CDH18: variants seen among roughly 807,000 people sequenced by gnomAD.
CDH18 encodes cadherin 18.
Under a neutral mutation model 67.9 loss-of-function variants are expected in CDH18, and 31 were observed. The ratio of observed to expected loss-of-function variants is 0.46; its 90% confidence interval spans 0.34 to 0.62. The LOEUF (loss-of-function observed/expected upper bound fraction) is 0.62. CDH18 is among the 20% of genes least tolerant of loss of function. The probability of loss-of-function intolerance (pLI) is 0.01; values close to 1 mark genes in which losing one functional copy is unlikely to be tolerated. For synonymous variants in CDH18, 362 were observed against 347.2 expected (o/e 1.04, Z -0.48); for missense variants, 890 against 975.5 (o/e 0.91, Z 1.17).
chr5:19,911,166 G>A (rs141726898), intron 2 of CDH18, among the ~76,000 whole-genome samples: 1 of 152,130 alleles, frequency 6.6e-6, no homozygotes, highest in African/African-American at 2.4e-5. Context: ...GTGTCAGCCT[G>A]ACTGTCTATT....
At position 20,265,420 on chromosome 5, in the gene CDH18, G is replaced by A. The variant is rs562707617; in HGVS notation, c.-579-9915C>T. Reference sequence around the variant, plus strand: ...TCCTTTGGAATAAATGTACAGTTTTGTAATTATCTGGATGTATACTATTTC... The same window carrying A: ...TCCTTTGGAATAAATGTACAGTTTTATAATTATCTGGATGTATACTATTTC... On this transcript the variant is annotated intron_variant, in intron 1 of 14. Coordinates refer to the CDH18 transcript ENST00000507958. 3.3e-5 allele frequency among the ~76,000 whole-genome samples: 5 copies of A among 152,002 alleles called. No homozygotes were observed. In the South Asian group the frequency reaches 1.0e-3, roughly 32 times the overall value.
At chr5:19,626,848 T>C (rs1046237813) in intron 5 of CDH18, among the ~76,000 whole-genome samples, 5 of 152,198 alleles carry the variant, frequency 3.3e-5, no homozygotes, top group African/African-American at 4.8e-5. Flanking sequence ...TAGTTCTGGG[T>C]CACAAGTGCT....
intron 2 of CDH18, among the ~76,000 whole-genome samples, chr5:20,027,194 A>G (rs1218939569): frequency 6.6e-6 from 1 of 152,132 alleles, no homozygotes; most frequent in African/African-American, 2.4e-5. Context: ...TAAACTTTTT[A>G]CATATGATTA....
intron 4 of CDH18, among the ~76,000 whole-genome samples, chr5:19,743,594 C>A (rs557826438): frequency 2.0e-5 from 3 of 152,240 alleles, no homozygotes; most frequent in South Asian, 4.1e-4. Flanking sequence ...GTCTGCAGAT[C>A]TTTGCCTATA....
intron 6 of CDH18, among the ~76,000 whole-genome samples, chr5:19,611,342 AAG>A (rs1445955238): frequency 6.6e-6 from 1 of 152,206 alleles, no homozygotes; most frequent in Non-Finnish European, 1.5e-5. Flanking sequence ...AGAGGGAAAA[AAG>A]AGTGAGTAAT....
intron 12 of CDH18, among the ~76,000 whole-genome samples, chr5:19,475,001 C>T (rs1382079445): frequency 6.6e-6 from 1 of 152,104 alleles, no homozygotes; most frequent in Non-Finnish European, 1.5e-5. Flanking sequence ...GCTCTATAGA[C>T]TGCTCTTTTC....
At chr5:20,003,823 G>A (rs1242931977) in intron 2 of CDH18, among the ~76,000 whole-genome samples, 3 of 152,250 alleles carry the variant, frequency 2.0e-5, no homozygotes, top group Middle Eastern at 3.4e-3. Context: ...GCGTGAGCCC[G>A]GAGGTGGAGC....
chr5:20,498,622 T>C (rs12516746), intron 1 of CDH18, among the ~76,000 whole-genome samples: 1 of 152,100 alleles, frequency 6.6e-6, no homozygotes, highest in Admixed American at 6.6e-5. Context: ...AAATATAATG[T>C]TAAAATAATC....
chr5:20,091,769 G>C (rs908011078), intron 2 of CDH18, among the ~76,000 whole-genome samples: 2 of 151,702 alleles, frequency 1.3e-5, no homozygotes, highest in Admixed American at 6.6e-5. Context: ...TTATACTGAA[G>C]AGAGGAGGCA....
intron 2 of CDH18, among the ~76,000 whole-genome samples, chr5:20,148,150 G>A (rs933179970): frequency 2.7e-5 from 4 of 150,846 alleles, no homozygotes; most frequent in Non-Finnish European, 1.5e-5. Flanking sequence ...GGAGTGTAGC[G>A]GTGCGATCTT....
intron 1 of CDH18, among the ~76,000 whole-genome samples, chr5:20,368,912 A>C (rs1342748901): frequency 6.6e-6 from 1 of 152,156 alleles, no homozygotes; most frequent in African/African-American, 2.4e-5. Context: ...TTCTCCTGTA[A>C]TTTATGACTC....
At chr5:20,307,798 C>T (rs1277395535) in intron 1 of CDH18, among the ~76,000 whole-genome samples, 1 of 152,164 alleles carries the variant, frequency 6.6e-6, no homozygotes, top group Non-Finnish European at 1.5e-5. Context: ...GTCTCTAAAA[C>T]TTACAAAATA....
Position 19,612,540 on chromosome 5 carries a change from G to T in CDH18, c.705C>A (p.Val235=). ...GCCCAGCCATGTCTTTGGCTTGAAT[G>T]ACTACGGAGTAATGTTCTCTGGCTT... ...DREAREHYSV[V]IQAKDMAGQV... The change falls in exon 6 of 13, where the codon GTC becomes GTA. Residue 235 remains valine, a synonymous_variant. Transcript: ENST00000382275. The T allele has an allele frequency of 3.7e-6, 6 of 1,613,988 alleles. No homozygotes were observed. The highest frequency in any genetic ancestry group is 5.1e-6 in the Non-Finnish European group (6 of 1,179,944).
chr5:19,668,851 C>T (rs1758326196), intron 5 of CDH18, among the ~76,000 whole-genome samples: 1 of 151,888 alleles, frequency 6.6e-6, no homozygotes, highest in Non-Finnish European at 1.5e-5. Context: ...GAAACAAGTA[C>T]TTTATCCATA....
chr5:19,912,185 A>G (rs1282376630), intron 2 of CDH18, among the ~76,000 whole-genome samples: 1 of 149,614 alleles, frequency 6.7e-6, no homozygotes, highest in Non-Finnish European at 1.5e-5. Context: ...AATAATAATA[A>G]AAAAAAAACA....
chr5:20,512,202 AAC>A (rs1348612009), intron 1 of CDH18, among the ~76,000 whole-genome samples: 1 of 152,112 alleles, frequency 6.6e-6, no homozygotes, highest in Admixed American at 6.6e-5. Context: ...CAGCTTGGGC[AAC>A]AGAGTGAGAC....
chr5:20,540,578 T>G (rs1756998441), intron 1 of CDH18, among the ~76,000 whole-genome samples: 1 of 152,118 alleles, frequency 6.6e-6, no homozygotes, highest in South Asian at 2.1e-4. Flanking sequence ...TGTTTTTGAG[T>G]GACTATAAAG....
At chr5:19,633,817 A>G (rs1752737932) in intron 5 of CDH18, among the ~76,000 whole-genome samples, 1 of 152,022 alleles carries the variant, frequency 6.6e-6, no homozygotes, top group Non-Finnish European at 1.5e-5. Context: ...TTTTCAGTAG[A>G]GAAGGGGTTT....
At chr5:19,700,935 G>A (rs567902121) in intron 5 of CDH18, among the ~76,000 whole-genome samples, 1 of 149,212 alleles carries the variant, frequency 6.7e-6, no homozygotes, top group Admixed American at 6.6e-5. Context: ...ACAAAGTGTG[G>A]AAACAAAGTG....
Sources: allele counts gnomAD v4.1 joint callset (sites outside exome capture counted in the v4.1 genomes callset), GRCh38; gene constraint gnomAD v4.1.1; transcripts MANE v1.5; gene names NCBI Gene and HGNC (gene_info 2026-07-23, HGNC 2026-07-21).